QRICH2: variants seen among roughly 807,000 people sequenced by gnomAD.
QRICH2 encodes glutamine rich 2.
Under a neutral mutation model 168.3 loss-of-function variants are expected in QRICH2, and 119 were observed. The ratio of observed to expected loss-of-function variants is 0.71; its 90% CI spans 0.61 to 0.82. QRICH2 has a LOEUF of 0.82. Ranked by LOEUF, QRICH2 falls within the 40% of genes least tolerant of loss-of-function variation. The pLI is 0.00. For synonymous variants in QRICH2, 894 were observed against 951.2 expected, an observed-to-expected ratio of 0.94 and a Z score of 1.11; for missense variants, 2,241 against 2,491.6, an observed-to-expected ratio of 0.90 and a Z score of 2.14.
Position 76,291,634 on chromosome 17 carries a change from C to T in QRICH2, c.3093G>A (p.Leu1031=). ...QVSPLLASQG[L]ASPGIDRRSL... ...TCCTTCGATCTATACCAGGTGATGCCAAACCTTGACTGGCTAGGAGTGGTG... is the reference window on the plus strand; with the variant it reads ...TCCTTCGATCTATACCAGGTGATGCTAAACCTTGACTGGCTAGGAGTGGTG... The change falls in exon 4 of 19, where the codon TTG becomes TTA. Residue 1031 remains leucine (L), a synonymous_variant. Transcript: ENST00000680821. 6.2e-7 allele frequency: 1 copy of T among 1,614,138 alleles called. No homozygotes were observed. Among genetic ancestry groups the T allele is most frequent in the Non-Finnish European group, 8.5e-7 (1 of 1,180,026 alleles).
upstream of QRICH2, chr17:76,308,332 G>C: frequency 8.1e-6 from 8 of 985,434 alleles, no homozygotes; most frequent in Non-Finnish European, 9.6e-6. Context: ...ACGCCTCCCT[G>C]CGAGCCACGG....
rs1044127886 is a variant in QRICH2, at chr17:76,281,360, C to T, written c.4264-407G>A. Among the ~76,000 whole-genome samples, 1 of 152,248 alleles carries T rather than the reference C, an allele frequency of 6.6e-6. No homozygotes were observed. The highest frequency in any genetic ancestry group is 2.4e-5 in the African/African-American group (1 of 41,546). On this transcript the variant is annotated intron_variant, in intron 8 of 18. Transcript: ENST00000680821. The surrounding 1 kb of genome is among the most constrained non-coding windows in gnomAD (Gnocchi z 4.4). ...GTGATGGAGGCTCAGGAGTGATGTG[C>T]TGTCCCGGGGCACTTGAGAGCTGGG...
rs1343388743 is a variant in QRICH2, at chr17:76,278,007, C to T, written c.5099G>A (p.Gly1700Asp). ...CCTGTACCGTTTGTAGCAGGGGGAGCCCAGGCACTGGGCGTGCAGCAGCTC... is the reference window on the plus strand; with the variant it reads ...CCTGTACCGTTTGTAGCAGGGGGAGTCCAGGCACTGGGCGTGCAGCAGCTC... ...IRELLHAQCL[G>D]SPCYKRVTDM... The change falls in exon 15 of 19, where the codon GGC becomes GAC. Residue 1700 changes from glycine to aspartate, a missense_variant. By Grantham distance (94) the Gly-to-Asp change is moderately conservative (BLOSUM62 -1). This residue lies in a region of QRICH2 where 2,047 missense variants were observed against 2,303.8 expected (regional missense o/e 0.89). Transcript: ENST00000680821. 6.2e-7 allele frequency: 1 copy of T among 1,612,430 alleles called. No homozygotes were observed. The highest frequency in any genetic ancestry group is 1.7e-5 in the Admixed American group (1 of 60,030).
intron 1 of QRICH2, among the ~76,000 whole-genome samples, chr17:76,305,951 C>T (rs1199501306): frequency 2.0e-5 from 3 of 152,090 alleles, no homozygotes; most frequent in African/African-American, 7.2e-5. Flanking sequence ...AGGAGGATCA[C>T]TTTAGGTCAG....
chr17:76,274,400 G>A (rs1328002264), intron 18 of QRICH2, 140 bp from the exon 19 acceptor site: 39 of 354,660 alleles, frequency 1.1e-4, no homozygotes, highest in Non-Finnish European at 1.5e-4. Flanking sequence ...GGGAGCTGCC[G>A]GGGCCGGGGG....
At chr17:76,279,822 C>T (rs181590908) in intron 12 of QRICH2, among the ~76,000 whole-genome samples, 1 of 152,352 alleles carries the variant, frequency 6.6e-6, no homozygotes, top group African/African-American at 2.4e-5. Context: ...AGCCTTAAGC[C>T]TCCCCTCCTC....
intron 3 of QRICH2, among the ~76,000 whole-genome samples, chr17:76,295,069 A>AAAACAAAC (rs59054783): frequency 0.26 from 36,426 of 139,636 alleles, 6,072 homozygotes; most frequent in African/African-American, 0.47. Flanking sequence ...GTCTCTACTA[A>AAAACAAAC]AAACAAATAA....
intron 18 of QRICH2, among the ~76,000 whole-genome samples, chr17:76,274,497 C>T (rs1195564934): frequency 1.3e-5 from 2 of 152,216 alleles, no homozygotes; most frequent in Non-Finnish European, 2.9e-5. Flanking sequence ...ACACGTCCTT[C>T]TGCAGGAGCC....
In QRICH2 at chr17:76,274,084, G is replaced by C; in HGVS notation, c.5659C>G (p.Gln1887Glu). 1 of 1,555,754 alleles carries C rather than the reference G, an allele frequency of 6.4e-7. No individual in the cohort carries two copies. The highest frequency in any genetic ancestry group is 1.4e-5 in the African/African-American group (1 of 71,250). The change falls in exon 19 of 19, where the codon CAG (glutamine) becomes GAG (glutamate). Residue 1887 changes from glutamine to glutamate, a missense_variant. Transcript: ENST00000680821. ...PTRGPRSSTA[Q>E] ...ATGTTTATTTACACCTCCGCTCACT[G>C]AGCGGTGCTGGACCGCGGCCCCCGC...
At chr17:76,298,218 CT>C (rs1418951140) in intron 3 of QRICH2, among the ~76,000 whole-genome samples, 1 of 115,602 alleles carries the variant, frequency 8.7e-6, no homozygotes, top group Non-Finnish European at 1.7e-5. Context: ...GAGTCTCACT[CT>C]GTCACCCAGG....
chr17:76,277,367 G>C lies in QRICH2; in HGVS notation c.5118-57C>G, dbSNP rs1172544286. ...GCAGACCACCAGGGATGTCACCTGG[G>C]ACTCACCCACCCATGGGGCTGACCA... On this transcript the variant is annotated intron_variant, in intron 15 of 18. Coordinates refer to ENST00000680821, the MANE Select transcript of QRICH2 (RefSeq NM_001388453.1). 3 of 1,575,680 alleles carry C rather than the reference G, an allele frequency of 1.9e-6. No homozygotes were observed. The East Asian group carries it at 7.0e-5, about 37-fold the overall frequency.
In QRICH2 at chr17:76,291,347, T is replaced by C. The variant is rs1054545743; in HGVS notation, c.3380A>G (p.Glu1127Gly). Residue 1127 changes from glutamate to glycine, a missense_variant, in exon 4 of 19, where the codon GAA becomes GGA. By Grantham distance (98) the Glu-to-Gly change is moderately conservative. Around this residue, in one of 3 missense-constraint regions of QRICH2, gnomAD observed 2,047 missense variants for 2,303.8 expected, o/e 0.89. Coordinates refer to ENST00000680821, the MANE Select transcript of QRICH2 (RefSeq NM_001388453.1). Reference protein sequence around the residue: ...GYLSADQHGQEGLDPNRTRAS... With the variant: ...GYLSADQHGQGGLDPNRTRAS... The stretch of plus-strand genomic sequence containing the variant: ...TCGTGTTCTATTTGGATCCAAACCT[T>C]CCTGGCCATGCTGATCAGCACTTAG... The C allele has an allele frequency of 6.8e-6, 11 of 1,613,960 alleles. No homozygotes were observed. The highest frequency in any genetic ancestry group is 9.3e-6 in the Non-Finnish European group (11 of 1,180,026).
chr17:76,294,196 G>A (rs1047441380), intron 3 of QRICH2, among the ~76,000 whole-genome samples, 175 bp from the exon 4 acceptor site: 2 of 152,124 alleles, frequency 1.3e-5, no homozygotes, highest in East Asian at 1.9e-4. Flanking sequence ...AGGCCGAGGC[G>A]GGTGGATTAC....
chr17:76,284,674 C>T (rs563652628), intron 7 of QRICH2, among the ~76,000 whole-genome samples: 3 of 151,556 alleles, frequency 2.0e-5, no homozygotes, highest in East Asian at 2.0e-4. Flanking sequence ...AAAAATTAGC[C>T]GGGTGCAGTG....
chr17:76,299,901 C>T (rs985598224), intron 3 of QRICH2, among the ~76,000 whole-genome samples: 1 of 151,388 alleles, frequency 6.6e-6, no homozygotes. Context: ...GATCTCGGCT[C>T]ACTGCAACCT....
intron 16 of QRICH2, 105 bp from the exon 17 acceptor site, chr17:76,276,872 T>TG (rs2143118355): frequency 2.2e-6 from 2 of 890,874 alleles, no homozygotes; most frequent in East Asian, 2.6e-5. Context: ...AGAACCCTCC[T>TG]GGGGGGCTCT....
At chr17:76,302,313 C>T (rs535034208) in intron 3 of QRICH2, among the ~76,000 whole-genome samples, 1 of 150,132 alleles carries the variant, frequency 6.7e-6, no homozygotes, top group African/African-American at 2.5e-5. Flanking sequence ...ACCCCACCCC[C>T]ACCTCTGTAG....
At chr17:76,277,843 C>A (rs1242919334) in intron 15 of QRICH2, 146 bp downstream of exon 15, 2 of 810,630 alleles carry the variant, frequency 2.5e-6, no homozygotes, top group Non-Finnish European at 4.0e-6. Context: ...CACACTAACA[C>A]CCCTCGCCCA....
At position 76,281,581 on chromosome 17, in the gene QRICH2, G is replaced by T. The variant is rs56751606; in HGVS notation, c.4263+283C>A. On this transcript the variant is annotated intron_variant, in intron 8 of 18. Coordinates refer to ENST00000680821, the MANE Select transcript of QRICH2 (RefSeq NM_001388453.1). The surrounding 1 kb of genome is among the most constrained non-coding windows in gnomAD (Gnocchi z 4.4). Reference sequence around the variant, plus strand: ...AGTTGGGCCTGTGTCTCCAGGGCACGCGAAGGGCACTGATCTGTCCTCAGC... The same window carrying T: ...AGTTGGGCCTGTGTCTCCAGGGCACTCGAAGGGCACTGATCTGTCCTCAGC... Among the ~76,000 whole-genome samples the T allele has an allele frequency of 0.11, 16,228 of 152,204 alleles. 1,116 individuals are homozygous for T. Among genetic ancestry groups the T allele is most frequent in the African/African-American group, 0.17 (7,257 of 41,504 alleles).
Sources: gnomAD v4.1 joint callset for allele counts (sites outside exome capture counted in the v4.1 genomes callset) on GRCh38, gnomAD v4.1.1 for gene constraint, gnomAD v4.1.1 regional missense constraint, Gnocchi (gnomAD v3.1) non-coding constraint, MANE v1.5 for transcripts, NCBI Gene and HGNC (gene_info 2026-07-23, HGNC 2026-07-21) for gene names.